Variants in TOP6BL observed in about 807,000 individuals in gnomAD.
TOP6BL encodes type 2 DNA topoisomerase 6 subunit B-like.
the TOP6BL span, among the ~76,000 whole-genome samples, chr11:66,749,276 C>G: frequency 6.6e-6 from 1 of 152,148 alleles, no homozygotes; most frequent in Non-Finnish European, 1.5e-5. Flanking sequence ...TGCTCTTACT[C>G]TGCATGAACT....
the TOP6BL span, among the ~76,000 whole-genome samples, chr11:66,807,678 A>G: frequency 6.6e-6 from 1 of 152,204 alleles, no homozygotes; most frequent in African/African-American, 2.4e-5. Flanking sequence ...CAGAGAGCTG[A>G]GCCTAGCATT....
At chr11:66,768,172 G>A in the TOP6BL span, among the ~76,000 whole-genome samples, 1 of 152,080 alleles carries the variant, frequency 6.6e-6, no homozygotes, top group African/African-American at 2.4e-5. Flanking sequence ...TCATGGGTTA[G>A]AGAGATTGAC....
the TOP6BL span, among the ~76,000 whole-genome samples, chr11:66,755,068 A>G: frequency 6.7e-6 from 1 of 149,720 alleles, no homozygotes; most frequent in Non-Finnish European, 1.5e-5. Context: ...TACTTAGATT[A>G]CTCAGGTCTC....
chr11:66,842,024 C>A, the TOP6BL span, among the ~76,000 whole-genome samples: 1 of 152,044 alleles, frequency 6.6e-6, no homozygotes, highest in South Asian at 2.1e-4. Flanking sequence ...CACGGTGAGA[C>A]CCCTGTCTCT....
chr11:66,817,727 A>G, the TOP6BL span, among the ~76,000 whole-genome samples: 2 of 152,012 alleles, frequency 1.3e-5, no homozygotes, highest in African/African-American at 4.8e-5. Flanking sequence ...GTGAGCCACC[A>G]CACCAGGCCA....
At chr11:66,748,348 T>A in the TOP6BL span, 2 of 1,480,218 alleles carry the variant, frequency 1.4e-6, no homozygotes, top group East Asian at 2.5e-5. Context: ...CTAAAGAAGA[T>A]TATGTTTTCT....
At chr11:66,817,238 T>A in the TOP6BL span, among the ~76,000 whole-genome samples, 1 of 152,200 alleles carries the variant, frequency 6.6e-6, no homozygotes, top group Admixed American at 6.5e-5. Context: ...TTCATCATCA[T>A]GCTGCCTTTC....
chr11:66,787,177 A>G, the TOP6BL span, among the ~76,000 whole-genome samples: 2 of 151,508 alleles, frequency 1.3e-5, no homozygotes, highest in Non-Finnish European at 2.9e-5. Flanking sequence ...CAGGTGATCC[A>G]CCCACCTTGG....
At chr11:66,843,039 G>C in the TOP6BL span, 3 of 1,558,442 alleles carry the variant, frequency 1.9e-6, no homozygotes, top group Non-Finnish European at 2.6e-6. Flanking sequence ...CCCTGGCGCC[G>C]GGCAGGGCGA....
chr11:66,799,320 A>T, the TOP6BL span, among the ~76,000 whole-genome samples: 1 of 143,738 alleles, frequency 7.0e-6, no homozygotes, highest in Non-Finnish European at 1.5e-5. Context: ...TGGGAGGTGG[A>T]GGTTGCGGTG....
At chr11:66,839,508 C>T in the TOP6BL span, among the ~76,000 whole-genome samples, 2 of 152,166 alleles carry the variant, frequency 1.3e-5, no homozygotes, top group African/African-American at 4.8e-5. Flanking sequence ...ACGTCAGCAC[C>T]TATGCTTGGT....
the TOP6BL span, among the ~76,000 whole-genome samples, chr11:66,799,091 C>T: frequency 4.0e-5 from 6 of 151,378 alleles, no homozygotes; most frequent in South Asian, 6.2e-4. Flanking sequence ...CCTGTAATCC[C>T]AGCTACTCAG....
At chr11:66,782,412 C>G in the TOP6BL span, among the ~76,000 whole-genome samples, 1 of 152,192 alleles carries the variant, frequency 6.6e-6, no homozygotes, top group Non-Finnish European at 1.5e-5. Flanking sequence ...GCCAAGGACT[C>G]ATGGGGAGCT....
the TOP6BL span, among the ~76,000 whole-genome samples, chr11:66,829,753 G>A: frequency 6.6e-6 from 1 of 152,034 alleles, no homozygotes; most frequent in Non-Finnish European, 1.5e-5. Context: ...GCCAGGCATG[G>A]TGGCACATGC....
At chr11:66,816,197 G>T in the TOP6BL span, 2 of 1,608,514 alleles carry the variant, frequency 1.2e-6, no homozygotes, top group Non-Finnish European at 1.7e-6. Context: ...ATGGAAATCT[G>T]GGGTAAGTAT....
At chr11:66,798,374 C>T in the TOP6BL span, among the ~76,000 whole-genome samples, 22 of 151,436 alleles carry the variant, frequency 1.5e-4, 1 homozygote, top group Middle Eastern at 6.8e-3. Context: ...CCGACTTGGG[C>T]GGATTGCTTG....
At chr11:66,822,772 G>A in the TOP6BL span, 1 of 787,130 alleles carries the variant, frequency 1.3e-6, no homozygotes, top group African/African-American at 1.7e-5. Context: ...GGGAGGCCAA[G>A]GTAGGAGGAT....
At chr11:66,821,754 A>G in the TOP6BL span, 5 of 1,613,338 alleles carry the variant, frequency 3.1e-6, no homozygotes, top group African/African-American at 4.0e-5. Flanking sequence ...CAACATCACC[A>G]GGCTGCCAAG....
the TOP6BL span, chr11:66,839,067 G>C: frequency 4.4e-6 from 2 of 454,446 alleles, no homozygotes; most frequent in Non-Finnish European, 8.9e-6. Flanking sequence ...TTATGGGAAA[G>C]TGTCAGTGCG....
Sources: gnomAD v4.1 joint callset for allele counts (sites outside exome capture counted in the v4.1 genomes callset) on GRCh38, gnomAD v4.1.1 for gene constraint, MANE v1.5 for transcripts, NCBI Gene and HGNC (gene_info 2026-07-23, HGNC 2026-07-21) for gene names.